The following SBF2 variants were observed in gnomAD, a reference collection of about 807,000 sequenced individuals.
SBF2 encodes SET binding factor 2, also known as myotubularin-related protein 13.
SBF2 carries 112 observed loss-of-function variants against 225.2 expected under a neutral mutation model. That is an observed-to-expected ratio of 0.50 (90% CI 0.43 to 0.58). SBF2 has a LOEUF of 0.58. SBF2 is among the 20% of genes least tolerant of loss of function. The pLI is 0.00. For missense variants in SBF2, 1,996 were observed against 2,206.2 expected (o/e 0.90, Z 1.91); for synonymous variants, 763 against 773.3 (o/e 0.99, Z 0.22).
chr11:10,072,412 A>G (rs1303983509), intron 2 of SBF2, among the ~76,000 whole-genome samples: 5 of 152,136 alleles, frequency 3.3e-5, no homozygotes, highest in Admixed American at 3.3e-4. Context: ...GAAGCTCACT[A>G]CCTTTTAAGA....
chr11:10,076,660 G>A (rs1951126735), intron 2 of SBF2, among the ~76,000 whole-genome samples: 1 of 152,200 alleles, frequency 6.6e-6, no homozygotes, highest in South Asian at 2.1e-4. Context: ...GCCATGGGAG[G>A]GAGCCCTGCC....
In SBF2 at chr11:9,994,094, TA is replaced by T. The variant is rs1302117911; in HGVS notation, c.976-97del. ...GAAAATGTCAGCATATGAATTATAA[TA>T]TATTCCCTCCATGAATACAATTCAA... On this transcript the variant is annotated intron_variant, in intron 9 of 39. Coordinates refer to ENST00000256190, the MANE Select transcript of SBF2 (RefSeq NM_030962.4). 8 of 927,202 alleles carry T rather than the reference TA, an allele frequency of 8.6e-6. No homozygotes were observed. The African/African-American group carries it at 1.3e-4, about 15-fold the overall frequency. The allele number at this position is 927,202 out of a possible 1,614,324, so 57.4% of individuals were successfully genotyped here.
chr11:10,121,890 C>T (rs1230865003), intron 2 of SBF2, among the ~76,000 whole-genome samples: 3 of 152,192 alleles, frequency 2.0e-5, no homozygotes, highest in African/African-American at 7.2e-5. Flanking sequence ...TCCAGTGAAT[C>T]CACAATGTGT....
At chr11:10,041,933 C>A (rs1565164872) in intron 3 of SBF2, among the ~76,000 whole-genome samples, 5 of 151,466 alleles carry the variant, frequency 3.3e-5, no homozygotes, top group African/African-American at 1.2e-4. Flanking sequence ...CCAGCACCAA[C>A]AAAAAAAACC....
intron 16 of SBF2, among the ~76,000 whole-genome samples, chr11:9,902,367 G>C (rs996338366): frequency 6.6e-6 from 1 of 152,132 alleles, no homozygotes; most frequent in African/African-American, 2.4e-5. Context: ...TAGCCAATCA[G>C]AAAATCTTTG....
At chr11:10,120,614 G>A (rs1368256624) in intron 2 of SBF2, among the ~76,000 whole-genome samples, 1 of 151,872 alleles carries the variant, frequency 6.6e-6, no homozygotes, top group East Asian at 1.9e-4. Context: ...GTTGTTTTCT[G>A]TTTGTTTTTT....
At chr11:10,120,220 A>G (rs1953372921) in intron 2 of SBF2, among the ~76,000 whole-genome samples, 1 of 152,236 alleles carries the variant, frequency 6.6e-6, no homozygotes. Context: ...TTCACACAGC[A>G]TAATGTTCTC....
At chr11:10,117,897 A>G (rs1953233289) in intron 2 of SBF2, among the ~76,000 whole-genome samples, 1 of 152,140 alleles carries the variant, frequency 6.6e-6, no homozygotes, top group African/African-American at 2.4e-5. Flanking sequence ...AAAGAATGTG[A>G]TACTTTTGGT....
chr11:9,993,969 A>T lies in SBF2; in HGVS notation c.1005T>A (p.Asp335Glu). 8.3e-7 allele frequency: 1 copy of T among 1,211,976 alleles called. No individual in the cohort carries two copies. Among genetic ancestry groups the T allele is most frequent in the Non-Finnish European group, 1.2e-6 (1 of 812,810 alleles). The allele number at this position is 1,211,976 out of a possible 1,614,324, so 75.1% of individuals were successfully genotyped here. A position where few individuals can be genotyped will look rare whatever the true frequency, so the allele number is the denominator to read the frequency against. Residue 335 changes from aspartate (D) to glutamate (E), a missense_variant, in exon 10 of 40, where the codon GAT becomes GAA. By Grantham distance (45) the Asp-to-Glu change is conservative. Coordinates refer to ENST00000256190, the MANE Select transcript of SBF2 (RefSeq NM_030962.4). ...LILHPDLEVA[D>E]HAFPPPRTAL... ...CTGTTCGTGGAGGAGGAAAAGCATG[A>T]TCTGCTACTTCCAAATCTGGGTGTA...
In SBF2 at chr11:10,088,863, G is replaced by T. The variant is rs151031326; in HGVS notation, c.142-45882C>A. Among the ~76,000 whole-genome samples the T allele has an allele frequency of 6.6e-5, 10 of 152,224 alleles. No homozygotes were observed. The South Asian group carries it at 1.0e-3, about 16-fold the overall frequency. On this transcript the variant is annotated intron_variant, in intron 2 of 39. Transcript: ENST00000256190. ...GAGAAACACCAAAAAGTAAACTTCC[G>T]CAGGGCAAGGATTTTATCTTTCTCA...
intron 1 of SBF2, among the ~76,000 whole-genome samples, chr11:10,283,183 TAG>T (rs1963524529): frequency 6.6e-6 from 1 of 152,196 alleles, no homozygotes; most frequent in Non-Finnish European, 1.5e-5. Context: ...AGGTTAGGGA[TAG>T]AGTTTTAATC....
chr11:10,209,655 T>C (rs1349202344), intron 1 of SBF2, among the ~76,000 whole-genome samples: 2 of 152,016 alleles, frequency 1.3e-5, no homozygotes, highest in African/African-American at 2.4e-5. Context: ...CATGACCAAA[T>C]TGGGATTTTC....
At chr11:10,176,658 G>C (rs1956477354) in intron 2 of SBF2, among the ~76,000 whole-genome samples, 1 of 152,142 alleles carries the variant, frequency 6.6e-6, no homozygotes, top group Non-Finnish European at 1.5e-5. Context: ...TTGAATCTCT[G>C]AATAGACCAA....
In SBF2 at chr11:9,967,037, T is replaced by C. The variant is rs368437232; in HGVS notation, c.1600+1304A>G. On this transcript the variant is annotated intron_variant, in intron 14 of 39. Coordinates refer to ENST00000256190, the MANE Select transcript of SBF2 (RefSeq NM_030962.4). ...CATCAATTGATGGATAAATAACCAA[T>C]GTGATATATATCCAAACAACGGAGT... Among the ~76,000 whole-genome samples, 6 of 152,194 alleles carry C rather than the reference T, an allele frequency of 3.9e-5. No individual in the cohort carries two copies. The East Asian group carries it at 7.7e-4, about 20-fold the overall frequency.
At chr11:9,961,901 G>GA (rs755763624) in intron 16 of SBF2, 56 bp downstream of exon 16, 1 of 1,559,302 alleles carries the variant, frequency 6.4e-7, no homozygotes, top group Non-Finnish European at 8.8e-7. Flanking sequence ...AAATATTCTG[G>GA]AAAAATGAAA....
At chr11:10,077,554 T>C (rs186372074) in intron 2 of SBF2, among the ~76,000 whole-genome samples, 351 of 152,322 alleles carry the variant, frequency 2.3e-3, no homozygotes, top group African/African-American at 7.5e-3. Flanking sequence ...CCCTATTTAA[T>C]AAACGGTGTT....
intron 1 of SBF2, among the ~76,000 whole-genome samples, chr11:10,217,378 T>G (rs1837169078): frequency 6.6e-6 from 1 of 152,194 alleles, no homozygotes; most frequent in Non-Finnish European, 1.5e-5. Context: ...TTACTTTATA[T>G]TCTTCTGTTT....
chr11:9,821,733 C>A (rs951801379), intron 28 of SBF2, among the ~76,000 whole-genome samples: 4 of 152,136 alleles, frequency 2.6e-5, no homozygotes, highest in African/African-American at 9.7e-5. Context: ...ATGAGCACTG[C>A]ATGTGGTACG....
At chr11:10,076,854 T>C (rs962983310) in intron 2 of SBF2, among the ~76,000 whole-genome samples, 1 of 152,216 alleles carries the variant, frequency 6.6e-6, no homozygotes, top group Non-Finnish European at 1.5e-5. Flanking sequence ...CACTTGTGCT[T>C]GGTGTTGGGG....
Sources: gnomAD v4.1 joint callset for allele counts (sites outside exome capture counted in the v4.1 genomes callset) on GRCh38, gnomAD v4.1.1 for gene constraint, MANE v1.5 for transcripts, NCBI Gene and HGNC (gene_info 2026-07-23, HGNC 2026-07-21) for gene names.